Variants in REV3L observed in about 807,000 individuals in gnomAD.
The protein encoded by REV3L is DNA polymerase zeta catalytic subunit.
A neutral mutation model predicts 299.4 loss-of-function variants in REV3L; 69 were observed. The observed-to-expected ratio is 0.23, with a 90% confidence interval of 0.19 to 0.28. The LOEUF is 0.28. Among genes scored for constraint, REV3L ranks in the 10% least tolerant of loss-of-function variants. The pLI is 1.00. For missense variants in REV3L, 3,128 were observed against 3,693.8 expected (o/e 0.85, Z 3.97); for synonymous variants, 1,238 against 1,271.4 (o/e 0.97, Z 0.56).
chr6:111,318,835 G>A (rs1773819547), intron 26 of REV3L, among the ~76,000 whole-genome samples: 1 of 152,020 alleles, frequency 6.6e-6, no homozygotes, highest in East Asian at 1.9e-4. Context: ...GGGATTACAG[G>A]CATGAGCCAC....
chr6:111,446,158 T>C (rs895323714), intron 1 of REV3L, among the ~76,000 whole-genome samples: 1 of 152,194 alleles, frequency 6.6e-6, no homozygotes, highest in Non-Finnish European at 1.5e-5. Flanking sequence ...TGCTGTCTTG[T>C]GGTCATCAAT....
chr6:111,386,717 A>ATTTTTTTTT (rs67124715), intron 9 of REV3L, among the ~76,000 whole-genome samples: 2 of 97,674 alleles, frequency 2.0e-5, no homozygotes, highest in African/African-American at 4.0e-5. Flanking sequence ...TAACAGCACT[A>ATTTTTTTTT]TTTTTTTTTT....
rs112671523 is a variant in REV3L, at chr6:111,347,460, T to A, written c.7419+1758A>T. ...AAAATCATTCTCAAGCAGAGTCATGTTGTATACTGCATACAGCAGCTTAGA... is the reference window on the plus strand; with the variant it reads ...AAAATCATTCTCAAGCAGAGTCATGATGTATACTGCATACAGCAGCTTAGA... On this transcript the variant is annotated intron_variant, in intron 20 of 31. Coordinates refer to ENST00000368802, the MANE Select transcript of REV3L (RefSeq NM_001372078.1). Among the ~76,000 whole-genome samples the A allele has an allele frequency of 2.6e-5, 4 of 152,008 alleles. No homozygotes were observed. The East Asian group carries it at 7.7e-4, about 29-fold the overall frequency.
chr6:111,367,163 G>C lies in REV3L; in HGVS notation c.6625C>G (p.Leu2209Val). ...GGTGCTTCAGGAAGCCTTTCCAGAA[G>C]TTTTCTCTGTATGATTGGTGTACTA... is the stretch of plus-strand genomic sequence containing the variant. ...FHSTPIIQRK[L>V]LERLPEAPGL... The change falls in exon 14 of 32, where the codon CTT becomes GTT. Residue 2209 changes from leucine to valine, a missense_variant. Transcript: ENST00000368802. 1 of 1,609,694 alleles carries C rather than the reference G, an allele frequency of 6.2e-7. No individual in the cohort carries two copies. The highest frequency in any genetic ancestry group is 8.5e-7 in the Non-Finnish European group (1 of 1,178,784).
At chr6:111,380,755 G>T (rs1030504451) in intron 10 of REV3L, among the ~76,000 whole-genome samples, 1 of 152,240 alleles carries the variant, frequency 6.6e-6, no homozygotes, top group Non-Finnish European at 1.5e-5. Flanking sequence ...GTGTGCTCCA[G>T]CCAGGGCTGC....
intron 9 of REV3L, among the ~76,000 whole-genome samples, chr6:111,382,183 T>C (rs389077): frequency 0.056 from 8,569 of 152,236 alleles, 276 homozygotes; most frequent in Middle Eastern, 0.085. Flanking sequence ...CCTCCAACAA[T>C]TGCCGTCCCC....
intron 16 of REV3L, 118 bp from the exon 17 acceptor site, chr6:111,359,132 ACAAAGTCACAGCTCAGCAG>A: frequency 2.7e-6 from 2 of 744,720 alleles, no homozygotes; most frequent in Non-Finnish European, 4.1e-6. Context: ...GACATAAAGG[ACAAAGTCACAGCTCAGCAG>A]CACTCCATAT....
At chr6:111,318,073 G>A (rs1327658894) in intron 26 of REV3L, among the ~76,000 whole-genome samples, 1 of 151,600 alleles carries the variant, frequency 6.6e-6, no homozygotes, top group African/African-American at 2.4e-5. Context: ...TGTGGACATA[G>A]GTTTTCCTTT....
intron 1 of REV3L, among the ~76,000 whole-genome samples, chr6:111,466,087 TAAATA>T (rs1791480870): frequency 6.6e-6 from 1 of 152,208 alleles, no homozygotes; most frequent in African/African-American, 2.4e-5. Flanking sequence ...CTATACCTGT[TAAATA>T]AAATAATTTT....
At position 111,432,341 on chromosome 6, in the gene REV3L, C is replaced by T. The variant is rs548776269; in HGVS notation, c.140-15869G>A. Among the ~76,000 whole-genome samples the T allele has an allele frequency of 2.0e-5, 3 of 152,258 alleles. No individual in the cohort carries two copies. In the South Asian group the frequency reaches 6.2e-4, roughly 32 times the overall value. The stretch of plus-strand genomic sequence containing the variant: ...AACTTACTTCGCCTATAAAGCCACA[C>T]ACAGACTGAAAGTGAAAGGCTGAAA... On this transcript the variant is annotated intron_variant, in intron 1 of 31. Transcript: ENST00000368802.
chr6:111,437,969 C>G (rs1787783393), intron 1 of REV3L, among the ~76,000 whole-genome samples: 1 of 152,084 alleles, frequency 6.6e-6, no homozygotes, highest in Non-Finnish European at 1.5e-5. Context: ...CTTCCTGCTT[C>G]AGCCTCTCGA....
chr6:111,329,449 G>A, intron 25 of REV3L, 83 bp downstream of exon 25: 1 of 1,316,438 alleles, frequency 7.6e-7, no homozygotes, highest in South Asian at 1.2e-5. Flanking sequence ...AGCTTCCAAA[G>A]TAACTGGGAA....
Position 111,482,860 on chromosome 6 carries a change from T to C in REV3L, c.29A>G (p.Asp10Gly). The C allele has an allele frequency of 6.6e-7, 1 of 1,521,376 alleles. No individual in the cohort carries two copies. Among genetic ancestry groups the C allele is most frequent in the Admixed American group, 2.4e-5 (1 of 41,140 alleles). 94.2% of individuals were successfully genotyped at this position (1,521,376 alleles called of 1,614,324 possible). MFSVRIVTA[D>G]YYMASPLQGL... ...CTGCAGCGGGCTGGCCATGTAGTAG[T>C]CTGCAGTCACTATCCTTACTGAAAA... The change falls in exon 1 of 32, where the codon GAC becomes GGC. Residue 10 changes from aspartate (D) to glycine (G), a missense_variant. This residue lies in a region of REV3L where 48 missense variants were observed against 42.8 expected (regional missense o/e 1.12). Transcript: ENST00000368802.
At position 111,380,330 on chromosome 6, in the gene REV3L, G is replaced by A. The variant is rs1780704926; in HGVS notation, c.1217-111C>T. On this transcript the variant is annotated intron_variant, in intron 10 of 31. Transcript: ENST00000368802. ...GTTGGAGTGCAGTGGCGTGATCTAGGCTCACTGCAAGCTCTGCCTCCTGGG... is the reference window on the plus strand; with the variant it reads ...GTTGGAGTGCAGTGGCGTGATCTAGACTCACTGCAAGCTCTGCCTCCTGGG... 7 of 715,016 alleles carry A rather than the reference G, an allele frequency of 9.8e-6. No individual in the cohort carries two copies. The South Asian group carries it at 1.1e-4, about 11-fold the overall frequency. 44.3% of individuals were successfully genotyped at this position (715,016 alleles called of 1,614,324 possible). A position where few individuals can be genotyped will look rare whatever the true frequency, so the allele number is the denominator to read the frequency against.
intron 1 of REV3L, among the ~76,000 whole-genome samples, chr6:111,457,116 GAAA>G (rs891629373): frequency 6.6e-6 from 1 of 150,778 alleles, no homozygotes; most frequent in African/African-American, 2.4e-5. Context: ...ACACACTCCA[GAAA>G]AAAAAATTAT....
chr6:111,386,870 C>A (rs1026369489), intron 9 of REV3L, among the ~76,000 whole-genome samples: 10 of 151,674 alleles, frequency 6.6e-5, no homozygotes, highest in African/African-American at 2.4e-4. Flanking sequence ...TACAGGTGTG[C>A]GCCACCACGC....
chr6:111,445,844 A>G (rs1443111679), intron 1 of REV3L, among the ~76,000 whole-genome samples: 1 of 152,100 alleles, frequency 6.6e-6, no homozygotes, highest in Non-Finnish European at 1.5e-5. Context: ...TAAAGCAGAC[A>G]AAAAAACAGA....
intron 1 of REV3L, among the ~76,000 whole-genome samples, chr6:111,479,952 G>C (rs1793426874): frequency 6.6e-6 from 1 of 152,170 alleles, no homozygotes; most frequent in Non-Finnish European, 1.5e-5. Context: ...CAACTGGACT[G>C]TTTTCTAAAG....
intron 17 of REV3L, among the ~76,000 whole-genome samples, chr6:111,357,993 T>C (rs980682625): frequency 6.6e-6 from 1 of 151,964 alleles, no homozygotes; most frequent in African/African-American, 2.4e-5. Context: ...CTGGTATGTG[T>C]CAGCTCAAGC....
Sources: allele counts gnomAD v4.1 joint callset (sites outside exome capture counted in the v4.1 genomes callset), GRCh38; gene constraint gnomAD v4.1.1; regional missense constraint gnomAD v4.1.1; transcripts MANE v1.5; gene names NCBI Gene and HGNC (gene_info 2026-07-23, HGNC 2026-07-21).